Variants in RNF216 observed in about 807,000 individuals in gnomAD.
RNF216 encodes the protein E3 ubiquitin-protein ligase RNF216.
In RNF216, 72 loss-of-function variants were observed where a neutral mutation model predicts 110.8. The ratio of observed to expected loss-of-function variants is 0.65; its 90% CI spans 0.54 to 0.79. RNF216 has a LOEUF of 0.79. Ranked by LOEUF, RNF216 falls within the 30% of genes least tolerant of loss-of-function variation. RNF216 has a pLI of 0.00. For synonymous variants in RNF216, 495 were observed against 407.5 expected, an observed-to-expected ratio of 1.21 and a Z score of -2.59; for missense variants, 1,342 against 1,141.2, an observed-to-expected ratio of 1.18 and a Z score of -2.54.
At chr7:5,639,222 T>A (rs74694240) in intron 15 of RNF216, among the ~76,000 whole-genome samples, 1 of 152,106 alleles carries the variant, frequency 6.6e-6, no homozygotes, top group Admixed American at 6.6e-5. Flanking sequence ...CCTTTGCTGC[T>A]TGGAATGTGG....
At position 5,622,698 on chromosome 7, in the gene RNF216, C is replaced by T. The variant is rs1584322633; in HGVS notation, c.*162G>A. 4.3e-6 allele frequency: 3 copies of T among 699,634 alleles called. No homozygotes were observed. The highest frequency in any genetic ancestry group is 2.5e-4 in the Middle Eastern group (1 of 4,022). The allele number at this position is 699,634 out of a possible 1,614,324, so 43.3% of individuals were successfully genotyped here. A position where few individuals can be genotyped will look rare whatever the true frequency, so the allele number is the denominator to read the frequency against. On this transcript the variant is annotated 3_prime_UTR_variant, in exon 17 of 17. Transcript: ENST00000389902. Reference sequence around the variant, plus strand: ...TTTATTATGGATCCGTCCACTCTTCCAGGAGCAGTAGCCCTTCTAGGAAAG... The same window carrying T: ...TTTATTATGGATCCGTCCACTCTTCTAGGAGCAGTAGCCCTTCTAGGAAAG...
At chr7:5,654,412 C>T (rs1046776336) in intron 13 of RNF216, among the ~76,000 whole-genome samples, 1 of 152,068 alleles carries the variant, frequency 6.6e-6, no homozygotes, top group African/African-American at 2.4e-5. Flanking sequence ...GGCATGGTGG[C>T]TCACACCTAC....
At chr7:5,707,481 T>A (rs1792366697) in intron 13 of RNF216, among the ~76,000 whole-genome samples, 1 of 152,158 alleles carries the variant, frequency 6.6e-6, no homozygotes, top group African/African-American at 2.4e-5. Context: ...TAATTTTGTA[T>A]CCTGCACCTT....
At chr7:5,760,523 A>T in intron 2 of RNF216, 1 of 259,842 alleles carries the variant, frequency 3.8e-6, no homozygotes. Context: ...TCAAAAAAAG[A>T]AAAAAAAAAA....
At chr7:5,764,763 C>A (rs1263214897) in intron 1 of RNF216, among the ~76,000 whole-genome samples, 1 of 151,940 alleles carries the variant, frequency 6.6e-6, no homozygotes, top group Non-Finnish European at 1.5e-5. Context: ...CCCTTAAATT[C>A]TTTTTCAAGA....
intron 15 of RNF216, among the ~76,000 whole-genome samples, chr7:5,635,627 C>G (rs1787350657): frequency 6.6e-6 from 1 of 152,144 alleles, no homozygotes; most frequent in African/African-American, 2.4e-5. Context: ...GCCTGATCCA[C>G]CAGGGAGATG....
In RNF216 at chr7:5,622,884, G is replaced by A. The variant is rs1405237275; in HGVS notation, c.2748C>T (p.Gly916=). The change falls in exon 17 of 17, where the codon GGC becomes GGT. Residue 916 remains glycine (G), a synonymous_variant. Coordinates refer to ENST00000389902, the MANE Select transcript of RNF216 (RefSeq NM_207111.4). ...ATCAGAAGCGATGCCGCGGCTGGGG[G>A]CCAAAGTGCATGGGCAGGTTGTGCT... ...PLEHNLPMHF[G]PQPRHRF The A allele has an allele frequency of 1.2e-6, 2 of 1,605,358 alleles. No homozygotes were observed. The highest frequency in any genetic ancestry group is 1.7e-6 in the Non-Finnish European group (2 of 1,173,708).
chr7:5,661,082 G>C (rs1265894752), intron 13 of RNF216, among the ~76,000 whole-genome samples: 1 of 150,816 alleles, frequency 6.6e-6, no homozygotes, highest in Admixed American at 6.7e-5. Flanking sequence ...TGGAATTACA[G>C]GTATGCACCA....
intron 1 of RNF216, among the ~76,000 whole-genome samples, chr7:5,781,140 G>A (rs149348968): frequency 0.043 from 6,529 of 152,232 alleles, 204 homozygotes; most frequent in South Asian, 0.088. Flanking sequence ...GGCACGGCCC[G>A]CCTCCCGCCG....
Position 5,661,154 on chromosome 7 carries a change from G to C in RNF216, c.2062-8644C>G, listed in dbSNP as rs111724189. ...AGGGTTTCGCCACATTGACCAGGCTGGTCTTGAATTCCTGGCCTCAAGTGA... is the reference window on the plus strand; with the variant it reads ...AGGGTTTCGCCACATTGACCAGGCTCGTCTTGAATTCCTGGCCTCAAGTGA... On this transcript the variant is annotated intron_variant, in intron 13 of 16. Transcript: ENST00000389902. Among the ~76,000 whole-genome samples the C allele has an allele frequency of 5.7e-3, 862 of 151,920 alleles. 9 individuals carry two copies. Among genetic ancestry groups the C allele is most frequent in the African/African-American group, 0.02 (814 of 41,404 alleles).
intron 5 of RNF216, among the ~76,000 whole-genome samples, chr7:5,737,119 G>T (rs1233647814): frequency 6.6e-6 from 1 of 152,258 alleles, no homozygotes; most frequent in Non-Finnish European, 1.5e-5. Context: ...AAATCAGATT[G>T]TTGCTGTGTC....
At position 5,680,636 on chromosome 7, in the gene RNF216, T is replaced by C. The variant is rs1190606997; in HGVS notation, c.2062-28126A>G. ...CCAGGATGGTCTCGATCTCCTGACC[T>C]TGTGATCTGCCCGACTCGGCCTCCC... On this transcript the variant is annotated intron_variant, in intron 13 of 16. Coordinates refer to ENST00000389902, the MANE Select transcript of RNF216 (RefSeq NM_207111.4). The surrounding 1 kb of genome is among the most constrained non-coding windows in gnomAD (Gnocchi z 4.3). Among the ~76,000 whole-genome samples the C allele has an allele frequency of 1.3e-5, 2 of 152,046 alleles. No homozygotes were observed. The highest frequency in any genetic ancestry group is 1.3e-4 in the Admixed American group (2 of 15,262).
At position 5,688,063 on chromosome 7, in the gene RNF216, C is replaced by G. The variant is rs76362175; in HGVS notation, c.2061+23698G>C. On this transcript the variant is annotated intron_variant, in intron 13 of 16. Transcript: ENST00000389902. ...AGGAACTAGCGACCGCAAATGGAAC[C>G]GAAGAGGTAATTAGAGCAGTAAATA... Among the ~76,000 whole-genome samples the G allele has an allele frequency of 2.0e-5, 3 of 152,264 alleles. No homozygotes were observed. The East Asian group carries it at 5.8e-4, about 29-fold the overall frequency.
chr7:5,672,320 T>C (rs961321437), intron 13 of RNF216, among the ~76,000 whole-genome samples: 1 of 152,238 alleles, frequency 6.6e-6, no homozygotes, highest in African/African-American at 2.4e-5. Context: ...GATAATCTTG[T>C]AGTTATATCA....
chr7:5,737,955 G>A (rs1794523726), intron 5 of RNF216, among the ~76,000 whole-genome samples: 1 of 151,886 alleles, frequency 6.6e-6, no homozygotes, highest in Admixed American at 6.6e-5. Context: ...GGACAGGGTG[G>A]AGTACGCCTG....
At position 5,760,084 on chromosome 7, in the gene RNF216, C is replaced by T. The variant is rs931170195; in HGVS notation, c.67+919G>A. On this transcript the variant is annotated intron_variant, in intron 2 of 16. Coordinates refer to ENST00000389902, the MANE Select transcript of RNF216 (RefSeq NM_207111.4). Reference sequence around the variant, plus strand: ...AAATGAACGTAAGGATTCTACACCTCAGCATGATTTTTTTCCTTTTAGCCC... The same window carrying T: ...AAATGAACGTAAGGATTCTACACCTTAGCATGATTTTTTTCCTTTTAGCCC... Among the ~76,000 whole-genome samples, 62 of 150,678 alleles carry T rather than the reference C, an allele frequency of 4.1e-4. 1 individual carries two copies. Among genetic ancestry groups the T allele is most frequent in the Non-Finnish European group, 3.2e-4 (22 of 68,032 alleles).
chr7:5,717,842 G>A (rs991681025), intron 9 of RNF216, among the ~76,000 whole-genome samples: 2 of 151,964 alleles, frequency 1.3e-5, no homozygotes, highest in African/African-American at 4.8e-5. Flanking sequence ...GAGTGCAGTG[G>A]TGCAATCTCA....
Position 5,641,374 on chromosome 7 carries a change from T to C in RNF216, c.2162A>G (p.Glu721Gly). Residue 721 changes from glutamate to glycine, a missense_variant and splice_region_variant, in exon 15 of 17, where the codon GAA (glutamate) becomes GGA (glycine). Physicochemically the swap from Glu to Gly is moderately conservative, Grantham distance 98 (BLOSUM62 -2). Transcript: ENST00000389902. ...KDDIKYRTSI[E>G]EKMTAARIRK... ...AATGCGGGCAGCAGTCATTTTTTCTTCACTGAAATAAGAAAACATAATTTG... is the reference window on the plus strand; with the variant it reads ...AATGCGGGCAGCAGTCATTTTTTCTCCACTGAAATAAGAAAACATAATTTG... 6.2e-7 allele frequency: 1 copy of C among 1,611,414 alleles called. No homozygotes were observed. The highest frequency in any genetic ancestry group is 8.5e-7 in the Non-Finnish European group (1 of 1,177,990).
chr7:5,776,859 C>T (rs1353910813), intron 1 of RNF216, among the ~76,000 whole-genome samples: 1 of 139,466 alleles, frequency 7.2e-6, no homozygotes, highest in Admixed American at 7.7e-5. Flanking sequence ...TGATATTGTG[C>T]CACTGCACTC....
Sources: allele counts gnomAD v4.1 joint callset (sites outside exome capture counted in the v4.1 genomes callset), GRCh38; gene constraint gnomAD v4.1.1; non-coding constraint Gnocchi (gnomAD v3.1); transcripts MANE v1.5; gene names NCBI Gene and HGNC (gene_info 2026-07-23, HGNC 2026-07-21).